Variants in ATP2B1 observed in about 807,000 individuals in gnomAD.
ATP2B1 encodes the protein ATPase plasma membrane Ca2+ transporting 1.
ATP2B1 carries 14 observed loss-of-function variants against 124.2 expected under a neutral mutation model. The ratio of observed to expected loss-of-function variants is 0.11; its 90% CI spans 0.07 to 0.18. The LOEUF (loss-of-function observed/expected upper bound fraction) is 0.18, where lower values mean the gene tolerates loss of function less well. ATP2B1 is among the 10% of genes least tolerant of loss of function. ATP2B1 has a pLI of 1.00. For synonymous variants in ATP2B1, 449 were observed against 492.4 expected, an observed-to-expected ratio of 0.91 and a Z score of 1.17; for missense variants, 763 against 1,466.1, an observed-to-expected ratio of 0.52 and a Z score of 7.83.
chr12:89,640,338 T>C (rs1324236084), intron 3 of ATP2B1, among the ~76,000 whole-genome samples: 3 of 152,204 alleles, frequency 2.0e-5, no homozygotes, highest in African/African-American at 4.8e-5. Context: ...TCCTTATCTA[T>C]AGTGATTTTC....
rs1342501445 is a variant in ATP2B1 at position 89,626,578 on chromosome 12, T to C, written c.1005A>G (p.Pro335=). ...CATCTCCACCTTCTTCACTCTTCAA[T>C]GGCTGCATTTCCATGGCTGCACCAT... ...AQDGAAMEMQ[P]LKSEEGGDGD... is the part of the protein sequence containing the mutation. Residue 335 remains proline, a synonymous_variant, in exon 8 of 21, where the codon CCA becomes CCG. Transcript: ENST00000428670. The C allele has an allele frequency of 2.5e-6, 4 of 1,612,508 alleles. No homozygotes were observed. The highest frequency in any genetic ancestry group is 3.4e-5 in the Admixed American group (2 of 59,664).
intron 11 of ATP2B1, 100 bp downstream of exon 11, chr12:89,619,899 G>A: frequency 1.4e-6 from 2 of 1,453,842 alleles, no homozygotes. Context: ...CCTATCAAAT[G>A]CCTGATGTTC....
At chr12:89,622,167 T>G (rs1270180547) in intron 9 of ATP2B1, among the ~76,000 whole-genome samples, 2 of 152,044 alleles carry the variant, frequency 1.3e-5, no homozygotes, top group Non-Finnish European at 2.9e-5. Context: ...GTGGTACTTA[T>G]AGTAGTGTAA....
chr12:89,684,989 A>C (rs1889790902), intron 1 of ATP2B1, among the ~76,000 whole-genome samples: 1 of 152,144 alleles, frequency 6.6e-6, no homozygotes, highest in South Asian at 2.1e-4. Flanking sequence ...TAAACTCAAA[A>C]AGTTTGTTGA....
At chr12:89,639,859 A>G (rs1883248100) in intron 3 of ATP2B1, among the ~76,000 whole-genome samples, 1 of 152,196 alleles carries the variant, frequency 6.6e-6, no homozygotes, top group South Asian at 2.1e-4. Context: ...CCACTTCTTG[A>G]AAGTATTTTT....
intron 2 of ATP2B1, among the ~76,000 whole-genome samples, chr12:89,644,504 A>G (rs1006939124): frequency 5.3e-5 from 8 of 152,144 alleles, no homozygotes; most frequent in African/African-American, 1.9e-4. Context: ...CATACTGGGC[A>G]ATACGGAAAG....
At chr12:89,699,603 A>C (rs938460123) in intron 1 of ATP2B1, among the ~76,000 whole-genome samples, 1 of 152,218 alleles carries the variant, frequency 6.6e-6, no homozygotes, top group Non-Finnish European at 1.5e-5. Flanking sequence ...GAGGAGTTAA[A>C]GAAACCAAGT....
intron 1 of ATP2B1, among the ~76,000 whole-genome samples, chr12:89,700,374 C>T (rs984373810): frequency 2.0e-5 from 3 of 152,078 alleles, no homozygotes; most frequent in African/African-American, 4.8e-5. Flanking sequence ...TAGTTCTCCG[C>T]TATGGTATTA....
intron 1 of ATP2B1, among the ~76,000 whole-genome samples, chr12:89,657,889 T>C (rs1005428678): frequency 6.6e-6 from 1 of 152,230 alleles, no homozygotes; most frequent in Non-Finnish European, 1.5e-5. Flanking sequence ...CTTGCAAAGA[T>C]GTGACAGTTA....
intron 1 of ATP2B1, among the ~76,000 whole-genome samples, chr12:89,703,787 G>A (rs1282179390): frequency 6.6e-6 from 1 of 151,468 alleles, no homozygotes; most frequent in Non-Finnish European, 1.5e-5. Flanking sequence ...AAAAACCATC[G>A]ACATCAACAA....
intron 15 of ATP2B1, 89 bp from the exon 16 acceptor site, chr12:89,604,435 T>C: frequency 1.0e-6 from 1 of 973,666 alleles, no homozygotes; most frequent in Non-Finnish European, 1.5e-6. Flanking sequence ...AACAAAAAGT[T>C]TACCATTATA....
intron 13 of ATP2B1, 49 bp downstream of exon 13, chr12:89,611,144 A>T: frequency 6.8e-7 from 1 of 1,479,526 alleles, no homozygotes; most frequent in South Asian, 1.3e-5. Flanking sequence ...TAAATTCCTA[A>T]TATATTAAAC....
chr12:89,636,720 A>G (rs915921505), intron 3 of ATP2B1, among the ~76,000 whole-genome samples: 3 of 152,156 alleles, frequency 2.0e-5, no homozygotes, highest in Non-Finnish European at 4.4e-5. Flanking sequence ...TGGGGATGAA[A>G]TGGAAGACTT....
chr12:89,655,244 G>C (rs1305030646), intron 2 of ATP2B1, among the ~76,000 whole-genome samples: 1 of 152,098 alleles, frequency 6.6e-6, no homozygotes, highest in Non-Finnish European at 1.5e-5. Flanking sequence ...TAAAGGTTAG[G>C]TTAAGCCTCA....
At chr12:89,621,151 G>T (rs1879894798) in intron 10 of ATP2B1, among the ~76,000 whole-genome samples, 1 of 152,008 alleles carries the variant, frequency 6.6e-6, no homozygotes, top group South Asian at 2.1e-4. Context: ...CAGAACACAT[G>T]GCAACCATAT....
chr12:89,685,298 GAAT>G (rs1411139985), intron 1 of ATP2B1, among the ~76,000 whole-genome samples: 1 of 152,090 alleles, frequency 6.6e-6, no homozygotes, highest in African/African-American at 2.4e-5. Context: ...TCAACTCACT[GAAT>G]TGGGAAACGT....
intron 3 of ATP2B1, among the ~76,000 whole-genome samples, chr12:89,641,097 A>AG (rs1883432727): frequency 6.6e-6 from 1 of 152,220 alleles, no homozygotes; most frequent in African/African-American, 2.4e-5. Context: ...TTTGATACAT[A>AG]AAATACTACT....
rs1873337983 is a variant in ATP2B1, at chr12:89,590,392, A to G, written c.*592T>C. ...CAAGGTAAATTGTAGGCAAAAATTT[A>G]GTACAGTTTCAATAGAAACACCCCT... On this transcript the variant is annotated 3_prime_UTR_variant, in exon 21 of 21. Transcript: ENST00000428670. 1.3e-5 allele frequency: 2 copies of G among 151,526 alleles called. No homozygotes were observed. Among genetic ancestry groups the G allele is most frequent in the Admixed American group, 6.6e-5 (1 of 15,122 alleles). The allele number at this position is 151,526 out of a possible 1,614,324, so 9.4% of individuals were successfully genotyped here. A position where few individuals can be genotyped will look rare whatever the true frequency, so the allele number is the denominator to read the frequency against.
rs34218036 is a variant in ATP2B1 at position 89,671,771 on chromosome 12, G to GTTTTT, written c.-221-15669_-221-15665dup. On this transcript the variant is annotated intron_variant, in intron 1 of 20. Transcript: ENST00000428670. ...ACCTGAGAGTCTGTTTCCCAAGGCA[G>GTTTTT]TTTTTTTTTTTTTTTTTACTGTAAA... Among the ~76,000 whole-genome samples the GTTTTT allele has an allele frequency of 7.1e-4, 99 of 139,954 alleles. 1 individual carries two copies. Among genetic ancestry groups the GTTTTT allele is most frequent in the Admixed American group, 1.1e-3 (16 of 14,216 alleles). 91.8% of individuals were successfully genotyped at this position (139,954 alleles called of 152,430 possible).
Sources: gnomAD v4.1 joint callset for allele counts (sites outside exome capture counted in the v4.1 genomes callset) on GRCh38, gnomAD v4.1.1 for gene constraint, MANE v1.5 for transcripts, NCBI Gene and HGNC (gene_info 2026-07-23, HGNC 2026-07-21) for gene names.